The following CRTC3 variants were observed in gnomAD, a reference collection of about 807,000 sequenced individuals.
CRTC3 encodes the protein CREB-regulated transcription coactivator 3.
CRTC3 carries 26 observed loss-of-function variants against 74.5 expected under a neutral mutation model. The observed-to-expected ratio is 0.35, with a 90% CI of 0.26 to 0.48. The LOEUF is 0.48. CRTC3 is among the 20% of genes least tolerant of loss of function. CRTC3 has a pLI of 0.99. For missense variants in CRTC3, 760 were observed against 787.3 expected (o/e 0.97, Z 0.41); for synonymous variants, 377 against 325.8 (o/e 1.16, Z -1.69).
chr15:90,533,072 A>C (rs1409670770), intron 1 of CRTC3, among the ~76,000 whole-genome samples: 1 of 75,204 alleles, frequency 1.3e-5, no homozygotes, highest in African/African-American at 5.4e-5. Flanking sequence ...GCGACAGAGC[A>C]AGACTTCATC....
intron 11 of CRTC3, chr15:90,634,949 A>C (rs1969178376): frequency 6.4e-7 from 1 of 1,561,722 alleles, no homozygotes; most frequent in Non-Finnish European, 8.7e-7. Context: ...TTCTCCCAGA[A>C]TATGGAGGCA....
chr15:90,617,240 T>G (rs1370227858), intron 7 of CRTC3, among the ~76,000 whole-genome samples: 1 of 152,192 alleles, frequency 6.6e-6, no homozygotes, highest in East Asian at 1.9e-4. Context: ...CTCAGCAGCA[T>G]CATACCCTCG....
At position 90,642,828 on chromosome 15, in the gene CRTC3, TA is replaced by T. The variant is rs1969497765; in HGVS notation, c.*689del. 1 of 232,632 alleles carries T rather than the reference TA, an allele frequency of 4.3e-6. No homozygotes were observed. The highest frequency in any genetic ancestry group is 5.6e-5 in the Admixed American group (1 of 17,782). The allele number at this position is 232,632 out of a possible 1,614,324, so 14.4% of individuals were successfully genotyped here. A position where few individuals can be genotyped will look rare whatever the true frequency, so the allele number is the denominator to read the frequency against. ...GACCAGAGGAAGAGGAAGACCATTT[TA>T]TCAGTCACTGAAAAGAGTCCCCTGG... On this transcript the variant is annotated 3_prime_UTR_variant, in exon 15 of 15. Transcript: ENST00000268184.
intron 2 of CRTC3, among the ~76,000 whole-genome samples, chr15:90,559,044 G>T (rs950639434): frequency 6.6e-6 from 1 of 152,020 alleles, no homozygotes; most frequent in Non-Finnish European, 1.5e-5. Flanking sequence ...GAGCCACCGC[G>T]CCTGTCCTAC....
chr15:90,633,346 C>T (rs1022721398), intron 11 of CRTC3, among the ~76,000 whole-genome samples: 5 of 152,168 alleles, frequency 3.3e-5, no homozygotes, highest in African/African-American at 1.2e-4. Context: ...GCAAAGAGTG[C>T]CTGTGACTTT....
At chr15:90,539,049 G>A (rs1447721472) in intron 1 of CRTC3, among the ~76,000 whole-genome samples, 2 of 152,210 alleles carry the variant, frequency 1.3e-5, no homozygotes, top group African/African-American at 2.4e-5. Flanking sequence ...TAGGGGCTTA[G>A]ATCTGGTAGT....
Position 90,558,580 on chromosome 15 carries a change from T to C in CRTC3, c.231+18443T>C, listed in dbSNP as rs766962420. On this transcript the variant is annotated intron_variant, in intron 2 of 14. Coordinates refer to ENST00000268184, the MANE Select transcript of CRTC3 (RefSeq NM_022769.5). ...ATTTCTCTACCAGGAATGCTTTTTT[T>C]CCAGATATGTGAATGGCTTACTTCC... 2.2e-4 allele frequency among the ~76,000 whole-genome samples: 33 copies of C among 152,086 alleles called. 1 individual carries two copies. The highest frequency in any genetic ancestry group is 8.5e-4 in the Admixed American group (13 of 15,264).
In CRTC3 at chr15:90,618,216, A is replaced by AAAC. The variant is rs1555452257; in HGVS notation, c.699+250_699+251insCAA. ...ATGAATTGACTTATTTAAAAAAAAA[A>AAAC]AAAAAACCCTGCTAAGTCCTCCATA... is the stretch of plus-strand genomic sequence containing the variant. On this transcript the variant is annotated intron_variant, in intron 8 of 14. Coordinates refer to ENST00000268184, the MANE Select transcript of CRTC3 (RefSeq NM_022769.5). The AAAC allele has an allele frequency of 3.3e-4, 85 of 255,768 alleles. 1 individual carries two copies. The highest frequency in any genetic ancestry group is 4.3e-4 in the Non-Finnish European group (58 of 133,918). The allele number at this position is 255,768 out of a possible 1,614,324, so 15.8% of individuals were successfully genotyped here.
At chr15:90,618,596 C>T (rs891608796) in intron 8 of CRTC3, among the ~76,000 whole-genome samples, 1 of 152,186 alleles carries the variant, frequency 6.6e-6, no homozygotes, top group Non-Finnish European at 1.5e-5. Context: ...TGAAAGAAAA[C>T]AGTTAATCTG....
At chr15:90,551,442 C>A (rs1187397999) in intron 2 of CRTC3, among the ~76,000 whole-genome samples, 2 of 151,992 alleles carry the variant, frequency 1.3e-5, no homozygotes, top group African/African-American at 4.8e-5. Flanking sequence ...AGATTAAATA[C>A]AATTAAAAAT....
At chr15:90,621,362 G>A (rs563884099) in intron 9 of CRTC3, among the ~76,000 whole-genome samples, 9 of 150,330 alleles carry the variant, frequency 6.0e-5, no homozygotes, top group East Asian at 2.0e-4. Context: ...TCGCTCTGTC[G>A]CTCAGGCTGG....
At chr15:90,589,397 G>T (rs889897597) in intron 2 of CRTC3, among the ~76,000 whole-genome samples, 2 of 152,120 alleles carry the variant, frequency 1.3e-5, no homozygotes, top group Non-Finnish European at 2.9e-5. Flanking sequence ...TGTCACCCAG[G>T]CTGGAGTACA....
At chr15:90,635,048 G>A (rs367894225) in intron 11 of CRTC3, 1 of 937,140 alleles carries the variant, frequency 1.1e-6, no homozygotes, top group East Asian at 2.4e-5. Flanking sequence ...AGTCACTACT[G>A]AAATGGCATC....
intron 2 of CRTC3, among the ~76,000 whole-genome samples, chr15:90,550,152 A>G (rs990760825): frequency 6.7e-6 from 1 of 149,648 alleles, no homozygotes; most frequent in Non-Finnish European, 1.5e-5. Context: ...AAATTGGCTG[A>G]GTGTGGTGGC....
At chr15:90,634,361 A>G (rs552336594) in intron 11 of CRTC3, among the ~76,000 whole-genome samples, 2 of 152,126 alleles carry the variant, frequency 1.3e-5, no homozygotes, top group Non-Finnish European at 2.9e-5. Flanking sequence ...TGATCCACCC[A>G]CCTCAGCCTC....
intron 2 of CRTC3, among the ~76,000 whole-genome samples, chr15:90,590,597 C>T (rs564299339): frequency 9.2e-4 from 140 of 152,206 alleles, no homozygotes; most frequent in Non-Finnish European, 1.8e-3. Flanking sequence ...TGACCTCAGA[C>T]GATCCACCTG....
At chr15:90,531,596 T>C (rs1966628104) in intron 1 of CRTC3, among the ~76,000 whole-genome samples, 1 of 152,320 alleles carries the variant, frequency 6.6e-6, no homozygotes, top group Admixed American at 6.5e-5. Flanking sequence ...TGTTTTCTTA[T>C]ACCCTATCAG....
chr15:90,585,233 C>T (rs117375668), intron 2 of CRTC3, among the ~76,000 whole-genome samples: 2 of 152,204 alleles, frequency 1.3e-5, no homozygotes, highest in Admixed American at 6.5e-5. Context: ...CAGCCTCCAC[C>T]TCCTGTGCTC....
At chr15:90,637,294 T>G (rs903507643) in intron 11 of CRTC3, among the ~76,000 whole-genome samples, 1 of 152,140 alleles carries the variant, frequency 6.6e-6, no homozygotes, top group Admixed American at 6.6e-5. Context: ...CTCAGCAAAC[T>G]GTCGCAAGGA....
Sources: allele counts gnomAD v4.1 joint callset (sites outside exome capture counted in the v4.1 genomes callset), GRCh38; gene constraint gnomAD v4.1.1; transcripts MANE v1.5; gene names NCBI Gene and HGNC (gene_info 2026-07-23, HGNC 2026-07-21).